The following NMNAT2 variants were observed in gnomAD, a reference collection of about 807,000 sequenced individuals.
The protein encoded by NMNAT2 is nicotinamide nucleotide adenylyltransferase 2.
NMNAT2 carries 11 observed loss-of-function variants against 41.6 expected under a neutral mutation model. The ratio of observed to expected loss-of-function variants is 0.26; its 90% CI spans 0.17 to 0.44. NMNAT2 has a LOEUF of 0.44. Ranked by LOEUF, NMNAT2 falls within the 20% of genes least tolerant of loss-of-function variation. The pLI is 1.00. For missense variants in NMNAT2, 288 were observed against 407.7 expected (o/e 0.71, Z 2.53); for synonymous variants, 148 against 151.2 (o/e 0.98, Z 0.16).
chr1:183,281,607 C>G (rs562225847), intron 7 of NMNAT2, among the ~76,000 whole-genome samples: 1 of 152,324 alleles, frequency 6.6e-6, no homozygotes, highest in South Asian at 2.1e-4. Flanking sequence ...ACATTTAAGT[C>G]AGACAAGCGG....
At chr1:183,390,698 T>C (rs1281964546) in intron 1 of NMNAT2, among the ~76,000 whole-genome samples, 1 of 152,128 alleles carries the variant, frequency 6.6e-6, no homozygotes, top group Middle Eastern at 3.2e-3. Context: ...GGATAGCACA[T>C]TTGTCTAAAA....
chr1:183,327,511 G>C (rs1034519929), intron 1 of NMNAT2, among the ~76,000 whole-genome samples: 1 of 152,192 alleles, frequency 6.6e-6, no homozygotes, highest in East Asian at 1.9e-4. Context: ...TTGCTACCTC[G>C]ACAGCTCATG....
At chr1:183,316,532 G>T (rs1447704035) in intron 1 of NMNAT2, among the ~76,000 whole-genome samples, 1 of 152,084 alleles carries the variant, frequency 6.6e-6, no homozygotes, top group African/African-American at 2.4e-5. Flanking sequence ...TTTCTTCCTG[G>T]GCTGCTGCAG....
chr1:183,286,807 G>A lies in NMNAT2; in HGVS notation c.322-19C>T, dbSNP rs201911009. Reference sequence around the variant, plus strand: ...TCACCCTCTAGGGAGAGAGAGAAGAGTGTTATTAGTCATGTGACTTTGAGA... The same window carrying A: ...TCACCCTCTAGGGAGAGAGAGAAGAATGTTATTAGTCATGTGACTTTGAGA... On this transcript the variant is annotated intron_variant, in intron 4 of 10. Transcript: ENST00000287713. 1.2e-6 allele frequency: 2 copies of A among 1,601,178 alleles called. No individual in the cohort carries two copies. Among genetic ancestry groups the A allele is most frequent in the African/African-American group, 1.3e-5 (1 of 74,564 alleles).
intron 1 of NMNAT2, among the ~76,000 whole-genome samples, chr1:183,385,687 A>G (rs1472765962): frequency 6.6e-6 from 1 of 152,006 alleles, no homozygotes; most frequent in Non-Finnish European, 1.5e-5. Flanking sequence ...AGATTTGGCC[A>G]CCCATACATT....
At chr1:183,379,033 A>T (rs1483988271) in intron 1 of NMNAT2, among the ~76,000 whole-genome samples, 3 of 140,918 alleles carry the variant, frequency 2.1e-5, no homozygotes, top group Non-Finnish European at 4.8e-5. Flanking sequence ...ACAGAGTGAG[A>T]CTCTGTCTCA....
chr1:183,285,718 T>C (rs190945955), intron 5 of NMNAT2, among the ~76,000 whole-genome samples: 37 of 152,354 alleles, frequency 2.4e-4, no homozygotes, highest in Non-Finnish European at 4.6e-4. Flanking sequence ...CTTCTACTTT[T>C]GAGCTGTGTG....
At chr1:183,292,645 T>C in intron 3 of NMNAT2, 145 bp downstream of exon 3, 1 of 709,396 alleles carries the variant, frequency 1.4e-6, no homozygotes, top group East Asian at 2.7e-5. Context: ...GGAGGTCTAC[T>C]TATTGCCTCC....
chr1:183,327,754 G>A (rs1662500139), intron 1 of NMNAT2, among the ~76,000 whole-genome samples: 1 of 152,154 alleles, frequency 6.6e-6, no homozygotes, highest in African/African-American at 2.4e-5. Context: ...AGATCTCTTG[G>A]GAGTGATGCC....
At chr1:183,256,628 T>G (rs907499603) in intron 10 of NMNAT2, among the ~76,000 whole-genome samples, 1 of 152,234 alleles carries the variant, frequency 6.6e-6, no homozygotes, top group East Asian at 1.9e-4. Context: ...TAAACCAGCC[T>G]TGTGTGCCAG....
chr1:183,338,291 A>G lies in NMNAT2; in HGVS notation c.86-44498T>C, dbSNP rs565596397. On this transcript the variant is annotated intron_variant, in intron 1 of 10. Transcript: ENST00000287713. ...AGGGTGCATCTGAAAACTGCAAGAC[A>G]CTAGATTCTACTTGAAAGCTAGAAA... Among the ~76,000 whole-genome samples the G allele has an allele frequency of 1.4e-4, 21 of 150,308 alleles. 1 individual carries two copies. Among genetic ancestry groups the G allele is most frequent in the Admixed American group, 4.7e-4 (7 of 15,034 alleles).
intron 1 of NMNAT2, among the ~76,000 whole-genome samples, chr1:183,329,504 C>T (rs1473862879): frequency 6.6e-6 from 1 of 152,104 alleles, no homozygotes; most frequent in African/African-American, 2.4e-5. Flanking sequence ...GGATAATCTT[C>T]GGCTGGATAA....
intron 1 of NMNAT2, among the ~76,000 whole-genome samples, chr1:183,369,699 C>T (rs577103350): frequency 1.3e-5 from 2 of 152,180 alleles, no homozygotes; most frequent in East Asian, 3.9e-4. Flanking sequence ...TCGCTGTCAT[C>T]CATTTTCAGC....
At position 183,250,957 on chromosome 1, in the gene NMNAT2, T is replaced by C. The variant is rs2102267722; in HGVS notation, c.*1684A>G. Reference sequence around the variant, plus strand: ...CTAGATTTTGATAAAAGTATCCTAATACTCAGGGACTATTTCTCAAAGACC... The same window carrying C: ...CTAGATTTTGATAAAAGTATCCTAACACTCAGGGACTATTTCTCAAAGACC... On this transcript the variant is annotated 3_prime_UTR_variant, in exon 11 of 11. Coordinates refer to ENST00000287713, the MANE Select transcript of NMNAT2 (RefSeq NM_015039.4). The C allele has an allele frequency of 6.6e-6, 1 of 152,402 alleles. No individual in the cohort carries two copies. Among genetic ancestry groups the C allele is most frequent in the Middle Eastern group, 3.4e-3 (1 of 294 alleles). 9.4% of individuals were successfully genotyped at this position (152,402 alleles called of 1,614,324 possible). A position where few individuals can be genotyped will look rare whatever the true frequency, so the allele number is the denominator to read the frequency against.
intron 1 of NMNAT2, among the ~76,000 whole-genome samples, chr1:183,395,953 T>G (rs1648626690): frequency 6.6e-6 from 1 of 152,194 alleles, no homozygotes; most frequent in Non-Finnish European, 1.5e-5. Flanking sequence ...ACTTCTCCTA[T>G]TTCCCAGCAG....
intron 3 of NMNAT2, among the ~76,000 whole-genome samples, chr1:183,291,395 C>T (rs775122237): frequency 3.9e-5 from 6 of 152,200 alleles, no homozygotes; most frequent in Non-Finnish European, 8.8e-5. Flanking sequence ...TAGCCAGGCC[C>T]TGTGCCCTGG....
At chr1:183,416,088 A>T (rs556486385) in intron 1 of NMNAT2, among the ~76,000 whole-genome samples, 1 of 152,332 alleles carries the variant, frequency 6.6e-6, no homozygotes, top group African/African-American at 2.4e-5. Flanking sequence ...ACTCAGGTCT[A>T]TTTCCACATA....
intron 1 of NMNAT2, among the ~76,000 whole-genome samples, chr1:183,366,102 G>A (rs1479430865): frequency 3.3e-5 from 5 of 152,184 alleles, no homozygotes; most frequent in Admixed American, 6.5e-5. Context: ...TACCTCCTTA[G>A]AAAGAAACCC....
chr1:183,332,653 A>T (rs1448087044), intron 1 of NMNAT2, among the ~76,000 whole-genome samples: 1 of 152,178 alleles, frequency 6.6e-6, no homozygotes, highest in East Asian at 1.9e-4. Flanking sequence ...CCAAAAAGCC[A>T]AAAAGACGCT....
Sources: allele counts gnomAD v4.1 joint callset (sites outside exome capture counted in the v4.1 genomes callset), GRCh38; gene constraint gnomAD v4.1.1; transcripts MANE v1.5; gene names NCBI Gene and HGNC (gene_info 2026-07-23, HGNC 2026-07-21).